Variants in KDM5D observed in about 807,000 individuals in gnomAD.
KDM5D encodes the protein lysine demethylase 5D.
A neutral mutation model predicts 31.9 loss-of-function variants in KDM5D; 25 were observed. That is an observed-to-expected ratio of 0.78 (90% CI 0.57 to 1.09). The LOEUF (loss-of-function observed/expected upper bound fraction) is 1.09. Ranked by LOEUF, KDM5D falls within the 50% of genes least tolerant of loss-of-function variation. The pLI is 0.00. For missense variants in KDM5D, 366 were observed against 341.6 expected (o/e 1.07, Z -0.56); for synonymous variants, 146 against 122.3 (o/e 1.19, Z -1.28).
intron 20 of KDM5D, 47 bp from the exon 21 acceptor site, chrY:19,709,060 T>A: frequency 3.2e-6 from 1 of 316,112 alleles, no homozygotes; most frequent in East Asian, 9.6e-5. Flanking sequence ...ATGTTACAGG[T>A]ATACATGCCC....
At chrY:19,741,253 C>G in intron 5 of KDM5D, 65 bp downstream of exon 5, 1 of 293,487 alleles carries the variant, frequency 3.4e-6, no homozygotes, top group Non-Finnish European at 5.1e-6. Context: ...AAAGTCCAAT[C>G]CAAAGAAAAA....
chrY:19,731,048 A>AT (rs2045469039), intron 11 of KDM5D, among the ~76,000 whole-genome samples: 2 of 33,524 alleles, frequency 6.0e-5, no homozygotes, highest in Non-Finnish European at 1.5e-4. Flanking sequence ...TCAAACCACT[A>AT]TTTTTTCTGT....
rs1261472964 is a variant in KDM5D, at chrY:19,723,925, C to A, written c.1372-2614G>T. ...ACATCTGATAAAATCCTGACATTCA[C>A]AATCTACAGCAAACTTATACAAATC... On this transcript the variant is annotated intron_variant, in intron 11 of 26. Transcript: ENST00000317961. Among the ~76,000 whole-genome samples the A allele has an allele frequency of 1.8e-4, 6 of 33,686 alleles. No individual in the cohort carries two copies. The East Asian group carries it at 4.6e-3, about 26-fold the overall frequency. 90.4% of individuals were successfully genotyped at this position (33,686 alleles called of 37,273 possible).
intron 11 of KDM5D, among the ~76,000 whole-genome samples, chrY:19,724,697 G>A (rs2124199006): frequency 3.0e-5 from 1 of 33,360 alleles, no homozygotes; most frequent in Non-Finnish European, 7.4e-5. Flanking sequence ...ATTCAACACA[G>A]TATTGGAAGT....
At chrY:19,732,015 A>T in intron 10 of KDM5D, 31 bp downstream of exon 10, 1 of 394,654 alleles carries the variant, frequency 2.5e-6, no homozygotes, top group Non-Finnish European at 3.6e-6. Flanking sequence ...CCACAACAGA[A>T]TCCCTATAGT....
Position 19,739,666 on chromosome Y carries a change from G to A in KDM5D, c.523-4C>T, listed in dbSNP as rs752266113. 2 of 378,676 alleles carry A rather than the reference G, an allele frequency of 5.3e-6. No homozygotes were observed. Among genetic ancestry groups the A allele is most frequent in the South Asian group, 6.4e-5 (2 of 31,122 alleles). The allele number at this position is 378,676 out of a possible 400,897, so 94.5% of individuals were successfully genotyped here. A position where few individuals can be genotyped will look rare whatever the true frequency, so the allele number is the denominator to read the frequency against. On this transcript the variant is annotated splice_region_variant and splice_polypyrimidine_tract_variant and intron_variant, in intron 5 of 26. Coordinates refer to ENST00000317961, the MANE Select transcript of KDM5D (RefSeq NM_004653.5). ...CAAACGGGTGTGTGTTACATTGCTAGAGAGAAAAAAATATATAGAATCAGA... is the reference window on the plus strand; with the variant it reads ...CAAACGGGTGTGTGTTACATTGCTAAAGAGAAAAAAATATATAGAATCAGA...
chrY:19,731,278 C>G, intron 11 of KDM5D, among the ~76,000 whole-genome samples: 1 of 33,142 alleles, frequency 3.0e-5, no homozygotes, highest in Non-Finnish European at 7.5e-5. Flanking sequence ...TGTGATGAGT[C>G]AGAATTTAGG....
chrY:19,739,525 C>T lies in KDM5D; in HGVS notation c.657+3G>A. 1 of 394,169 alleles carries T rather than the reference C, an allele frequency of 2.5e-6. No homozygotes were observed. The highest frequency in any genetic ancestry group is 3.6e-6 in the Non-Finnish European group (1 of 280,483). On this transcript the variant is annotated splice_donor_region_variant and intron_variant, in intron 6 of 26. Transcript: ENST00000317961. ...AAGAATAACAGGAGTAACAGTCACT[C>T]ACATCAGGCTGTAGCCTTTTTGCCC...
intron 2 of KDM5D, 34 bp downstream of exon 2, chrY:19,744,351 C>T: frequency 8.0e-6 from 3 of 373,644 alleles, no homozygotes; most frequent in Non-Finnish European, 1.1e-5. Flanking sequence ...AAACCAAAGG[C>T]TACCCATTCC....
chrY:19,718,953 G>A (rs2045369494), intron 13 of KDM5D, among the ~76,000 whole-genome samples: 1 of 32,631 alleles, frequency 3.1e-5, no homozygotes, highest in Non-Finnish European at 7.6e-5. Flanking sequence ...GGCGGATCAC[G>A]AGGTCAGGAG....
chrY:19,724,155 G>C, intron 11 of KDM5D, among the ~76,000 whole-genome samples: 1 of 33,030 alleles, frequency 3.0e-5, no homozygotes, highest in Admixed American at 2.7e-4. Context: ...TATGAGTAGG[G>C]GCTAAATGAT....
rs1161022393 is a variant in KDM5D at position 19,743,149 on chromosome Y, C to T, written c.228+13G>A. The T allele has an allele frequency of 5.6e-6, 2 of 359,372 alleles. No individual in the cohort carries two copies. Among genetic ancestry groups the T allele is most frequent in the Non-Finnish European group, 8.0e-6 (2 of 249,215 alleles). 89.6% of individuals were successfully genotyped at this position (359,372 alleles called of 400,897 possible). On this transcript the variant is annotated intron_variant, in intron 3 of 26. Coordinates refer to ENST00000317961, the MANE Select transcript of KDM5D (RefSeq NM_004653.5). ...TCAGATTCCTTTAAAAAAAGTGTGC[C>T]TCCCAATCTTACCTCCAGTTCATTT...
chrY:19,710,242 G>A, intron 19 of KDM5D, 134 bp downstream of exon 19: 4 of 370,411 alleles, frequency 1.1e-5, no homozygotes, highest in Non-Finnish European at 1.5e-5. Context: ...ACATATCTCC[G>A]CCACTTCCAG....
intron 8 of KDM5D, 69 bp downstream of exon 8, chrY:19,735,283 G>T: frequency 9.8e-6 from 3 of 307,126 alleles, no homozygotes. Context: ...AAAGTATGAT[G>T]AATTCATTTT....
intron 13 of KDM5D, 125 bp from the exon 14 acceptor site, chrY:19,716,840 G>T: frequency 5.5e-6 from 1 of 182,368 alleles, no homozygotes; most frequent in Non-Finnish European, 9.6e-6. Context: ...CTTCAAGTAC[G>T]TGTCCTAAAA....
At chrY:19,723,576 T>A in intron 11 of KDM5D, 2 of 51,519 alleles carry the variant, frequency 3.9e-5, no homozygotes, top group South Asian at 3.7e-4. Flanking sequence ...GAGGGGTGTT[T>A]GAGCTCAGAA....
In KDM5D at chrY:19,709,788, C is replaced by T. The variant is rs770902573; in HGVS notation, c.2605G>A (p.Ala869Thr). Reference sequence around the variant, plus strand: ...GCCTCACGAGCCTCAGCTTGATAGGCCTCCACCTGTTCCAGGACATCCTGC... The same window carrying T: ...GCCTCACGAGCCTCAGCTTGATAGGTCTCCACCTGTTCCAGGACATCCTGC... ...DVKDVLEQVE[A>T]YQAEAREALA... The change falls in exon 20 of 27, where the codon GCC (alanine) becomes ACC (threonine). Residue 869 changes from alanine (A) to threonine (T), a missense_variant. Coordinates refer to ENST00000317961, the MANE Select transcript of KDM5D (RefSeq NM_004653.5). The T allele has an allele frequency of 2.5e-6, 1 of 398,050 alleles. No individual in the cohort carries two copies. Among genetic ancestry groups the T allele is most frequent in the Non-Finnish European group, 3.5e-6 (1 of 283,110 alleles).
intron 11 of KDM5D, 63 bp from the exon 12 acceptor site, chrY:19,721,374 G>A (rs746519847): frequency 4.3e-6 from 1 of 234,755 alleles, no homozygotes; most frequent in East Asian, 1.0e-4. Context: ...GAGGCAAACT[G>A]AGCAAAACAT....
At chrY:19,712,392 A>C (rs2045304816) in intron 18 of KDM5D, among the ~76,000 whole-genome samples, 1 of 33,728 alleles carries the variant, frequency 3.0e-5, no homozygotes, top group Non-Finnish European at 7.4e-5. Context: ...AAGTAGCAAC[A>C]CATTCCTCAT....
Sources: gnomAD v4.1 joint callset for allele counts (sites outside exome capture counted in the v4.1 genomes callset) on GRCh38, gnomAD v4.1.1 for gene constraint, MANE v1.5 for transcripts, NCBI Gene and HGNC (gene_info 2026-07-23, HGNC 2026-07-21) for gene names.